MAF: variants seen among roughly 807,000 people sequenced by gnomAD.
MAF encodes MAF bZIP transcription factor, also known as transcription factor Maf.
MAF carries 10 observed loss-of-function variants against 22.0 expected under a neutral mutation model. That is an observed-to-expected ratio of 0.45 (90% CI 0.28 to 0.77). The LOEUF (loss-of-function observed/expected upper bound fraction) is 0.77. Among genes scored for constraint, MAF ranks in the 30% least tolerant of loss-of-function variants. MAF has a pLI of 0.12. For synonymous variants in MAF, 337 were observed against 255.8 expected (o/e 1.32, Z -3.03); for missense variants, 544 against 548.4 (o/e 0.99, Z 0.08).
chr16:79,519,677 G>A, the MAF span, among the ~76,000 whole-genome samples: 11 of 152,210 alleles, frequency 7.2e-5, no homozygotes, highest in Non-Finnish European at 8.8e-5. Context: ...CACTGCTCTC[G>A]TATACCCAAG....
downstream of MAF, among the ~76,000 whole-genome samples, chr16:79,592,966 C>T (rs149093373): frequency 1.3e-5 from 2 of 152,318 alleles, no homozygotes; most frequent in Non-Finnish European, 2.9e-5. Flanking sequence ...CTAAGAAGAG[C>T]TTGGTTGTGT....
At chr16:79,478,719 C>T in the MAF span, among the ~76,000 whole-genome samples, 1 of 152,122 alleles carries the variant, frequency 6.6e-6, no homozygotes, top group Non-Finnish European at 1.5e-5. Flanking sequence ...TCTAGTGCAC[C>T]AGTGCATCAT....
At chr16:79,281,599 A>G in the MAF span, among the ~76,000 whole-genome samples, 1 of 130,972 alleles carries the variant, frequency 7.6e-6, no homozygotes, top group South Asian at 2.5e-4. Flanking sequence ...GCCAGGCTGG[A>G]GTGCAGTGGC....
chr16:79,395,116 A>T, the MAF span, among the ~76,000 whole-genome samples: 3 of 152,212 alleles, frequency 2.0e-5, no homozygotes, highest in Admixed American at 6.5e-5. Context: ...AAGGGCCTGG[A>T]GGTGTGATCA....
the MAF span, among the ~76,000 whole-genome samples, chr16:79,328,389 G>T: frequency 6.6e-6 from 1 of 152,172 alleles, no homozygotes; most frequent in Non-Finnish European, 1.5e-5. Context: ...CCACTTGGTT[G>T]TGCTGGAGAG....
the MAF span, among the ~76,000 whole-genome samples, chr16:79,277,464 A>G: frequency 6.6e-6 from 1 of 152,224 alleles, no homozygotes; most frequent in Non-Finnish European, 1.5e-5. Flanking sequence ...ATTGTTGAAT[A>G]TCACCAATTT....
chr16:79,400,231 T>C, the MAF span, among the ~76,000 whole-genome samples: 35 of 152,250 alleles, frequency 2.3e-4, no homozygotes, highest in Middle Eastern at 3.4e-3. Context: ...AGTGCCACAG[T>C]TGAGAGGCCC....
the MAF span, among the ~76,000 whole-genome samples, chr16:79,564,537 C>G: frequency 6.6e-6 from 1 of 152,174 alleles, no homozygotes; most frequent in Non-Finnish European, 1.5e-5. Context: ...TGGGCACATC[C>G]TGAAGAAGCC....
the MAF span, among the ~76,000 whole-genome samples, chr16:79,409,022 T>G: frequency 3.4e-5 from 3 of 87,638 alleles, no homozygotes; most frequent in Non-Finnish European, 4.4e-5. Context: ...CCACCTACCA[T>G]AAGGGGTGGG....
At chr16:79,551,562 T>C in the MAF span, among the ~76,000 whole-genome samples, 1 of 152,166 alleles carries the variant, frequency 6.6e-6, no homozygotes, top group South Asian at 2.1e-4. Context: ...AAATCCCTCA[T>C]TTCCCTTCCT....
the MAF span, among the ~76,000 whole-genome samples, chr16:79,239,133 G>A: frequency 6.6e-6 from 1 of 152,056 alleles, no homozygotes; most frequent in East Asian, 1.9e-4. Context: ...TGAAAAGTCA[G>A]TCAAACTAAT....
At chr16:79,277,573 T>C in the MAF span, among the ~76,000 whole-genome samples, 7 of 152,346 alleles carry the variant, frequency 4.6e-5, no homozygotes, top group African/African-American at 1.4e-4. Context: ...GTACTATTAG[T>C]ACTATTGTAT....
At chr16:79,585,819 A>C (rs1234309350), downstream of MAF, 2 of 516,676 alleles carry the variant, frequency 3.9e-6, no homozygotes, top group Non-Finnish European at 6.5e-6. Flanking sequence ...ATTTAAAAAA[A>C]CAAAGAAAAG....
At chr16:79,332,475 A>G in the MAF span, among the ~76,000 whole-genome samples, 1 of 152,036 alleles carries the variant, frequency 6.6e-6, no homozygotes, top group African/African-American at 2.4e-5. Flanking sequence ...TAATTTTTGC[A>G]TTTTTGTAGA....
At chr16:79,491,090 G>C in the MAF span, among the ~76,000 whole-genome samples, 2 of 152,188 alleles carry the variant, frequency 1.3e-5, no homozygotes, top group Non-Finnish European at 2.9e-5. Context: ...GGAAAGGGAA[G>C]GTGAGAAGGG....
the MAF span, among the ~76,000 whole-genome samples, chr16:79,509,960 G>A: frequency 6.6e-6 from 1 of 152,196 alleles, no homozygotes; most frequent in Non-Finnish European, 1.5e-5. Flanking sequence ...CTGAAGGATA[G>A]CGGAGGGTAT....
chr16:79,211,183 T>A, the MAF span, among the ~76,000 whole-genome samples: 9,431 of 152,182 alleles, frequency 0.062, 425 homozygotes, highest in East Asian at 0.23. Context: ...TTAAGAGTGG[T>A]TGGTTTGTCA....
At chr16:79,425,663 A>ATT in the MAF span, among the ~76,000 whole-genome samples, 1,289 of 145,456 alleles carry the variant, frequency 8.9e-3, 26 homozygotes, top group Admixed American at 0.045. Context: ...ATCAATTTAG[A>ATT]TTTTTTTTTT....
At chr16:79,348,377 G>T in the MAF span, among the ~76,000 whole-genome samples, 1 of 152,216 alleles carries the variant, frequency 6.6e-6, no homozygotes, top group Admixed American at 6.5e-5. Flanking sequence ...TATGATCGGG[G>T]TTTACAGCCT....
Sources: gnomAD v4.1 joint callset for allele counts (sites outside exome capture counted in the v4.1 genomes callset) on GRCh38, gnomAD v4.1.1 for gene constraint, MANE v1.5 for transcripts, NCBI Gene and HGNC (gene_info 2026-07-23, HGNC 2026-07-21) for gene names.